FTO: variants seen among roughly 807,000 people sequenced by gnomAD.
The protein encoded by FTO is alpha-ketoglutarate-dependent dioxygenase FTO.
Under a neutral mutation model 63.9 loss-of-function variants are expected in FTO, and 47 were observed. That is an observed-to-expected ratio of 0.74 (90% CI 0.58 to 0.94). The LOEUF is 0.94. Ranked by LOEUF, FTO falls within the 40% of genes least tolerant of loss-of-function variation. The pLI is 0.00. For synonymous variants in FTO, 207 were observed against 224.4 expected, an observed-to-expected ratio of 0.92 and a Z score of 0.69; for missense variants, 562 against 618.1, an observed-to-expected ratio of 0.91 and a Z score of 0.96.
intron 7 of FTO, among the ~76,000 whole-genome samples, chr16:53,923,853 G>A (rs1033745960): frequency 2.6e-5 from 4 of 151,866 alleles, no homozygotes; most frequent in African/African-American, 7.3e-5. Flanking sequence ...ACATTCCAGC[G>A]GTCGCCCACA....
At position 53,766,597 on chromosome 16, in the gene FTO, A is replaced by G. The variant is rs139179868; in HGVS notation, c.46-43543A>G. Among the ~76,000 whole-genome samples the G allele has an allele frequency of 2.0e-5, 3 of 152,198 alleles. No homozygotes were observed. The East Asian group carries it at 5.8e-4, about 29-fold the overall frequency. ...GCAGGTCTGGGGTGAATCAGGTGCT[A>G]TCCCTTTGGACAGTCACATGACTGG... On this transcript the variant is annotated intron_variant, in intron 1 of 8. Coordinates refer to ENST00000471389, the MANE Select transcript of FTO (RefSeq NM_001080432.3).
chr16:53,771,407 C>T (rs576603580), intron 1 of FTO, among the ~76,000 whole-genome samples: 42 of 152,246 alleles, frequency 2.8e-4, no homozygotes, highest in African/African-American at 9.6e-4. Flanking sequence ...CTTCTGCCAT[C>T]CTTCTCCAAG....
At chr16:53,951,841 A>G (rs1348891471) in intron 8 of FTO, among the ~76,000 whole-genome samples, 1 of 152,180 alleles carries the variant, frequency 6.6e-6, no homozygotes, top group African/African-American at 2.4e-5. Flanking sequence ...GATTTAAAGA[A>G]AAATGCTAGA....
At chr16:54,106,923 T>G (rs1189467141) in intron 8 of FTO, among the ~76,000 whole-genome samples, 1 of 142,522 alleles carries the variant, frequency 7.0e-6, no homozygotes, top group East Asian at 2.0e-4. Context: ...TATAATATAT[T>G]AAAAGTATAT....
chr16:53,760,226 G>GTTTTTTTTTTT (rs2077027591), intron 1 of FTO, among the ~76,000 whole-genome samples: 1 of 48,244 alleles, frequency 2.1e-5, no homozygotes, highest in Non-Finnish European at 3.7e-5. Context: ...GTGTGTGTGT[G>GTTTTTTTTTTT]TGTGTGTGTG....
At chr16:53,975,149 G>A (rs2083408331) in intron 8 of FTO, among the ~76,000 whole-genome samples, 1 of 151,454 alleles carries the variant, frequency 6.6e-6, no homozygotes, top group African/African-American at 2.4e-5. Context: ...TAAAACTAAA[G>A]CCACGCTAAC....
chr16:53,882,016 A>T (rs78115096), intron 6 of FTO, among the ~76,000 whole-genome samples: 2,603 of 152,270 alleles, frequency 0.017, 63 homozygotes, highest in African/African-American at 0.053. Flanking sequence ...TCTAATAATT[A>T]TTGGATTCTG....
chr16:54,058,193 C>T (rs1182568172), intron 8 of FTO, among the ~76,000 whole-genome samples: 2 of 152,094 alleles, frequency 1.3e-5, no homozygotes, highest in Non-Finnish European at 2.9e-5. Context: ...ACTGAAACCT[C>T]CGCCGCCTCC....
chr16:53,791,969 G>A (rs913204153), intron 1 of FTO, among the ~76,000 whole-genome samples: 10 of 151,920 alleles, frequency 6.6e-5, no homozygotes, highest in African/African-American at 2.2e-4. Flanking sequence ...CCAGCTACTC[G>A]GGAGGCTGAG....
chr16:54,080,728 C>T (rs1415102755), intron 8 of FTO, among the ~76,000 whole-genome samples: 2 of 152,160 alleles, frequency 1.3e-5, no homozygotes, highest in East Asian at 1.9e-4. Flanking sequence ...TAGAGTTTGT[C>T]GTTACTGTTG....
intron 1 of FTO, among the ~76,000 whole-genome samples, chr16:53,765,975 T>C (rs1220458165): frequency 6.6e-6 from 1 of 152,250 alleles, no homozygotes; most frequent in East Asian, 1.9e-4. Context: ...TCTATAAAGA[T>C]CACTGTGGCT....
rs533379899 is a variant in FTO, at chr16:53,844,208, A to G, written c.805A>G (p.Ile269Val). The change falls in exon 4 of 9, where the codon ATT becomes GTT. Residue 269 changes from isoleucine (I) to valine (V), a missense_variant. Physicochemically the swap from Ile to Val is conservative, Grantham distance 29 (BLOSUM62 3). Transcript: ENST00000471389. ...TCATCTCGAAGGCAGGGATCCTGAT[A>G]TTTGGCATGTTGGTTTTAAGATCTC... Reference protein sequence around the residue: ...DSHLEGRDPDIWHVGFKISWD... With the variant: ...DSHLEGRDPDVWHVGFKISWD... The G allele has an allele frequency of 1.2e-6, 2 of 1,613,714 alleles. No individual in the cohort carries two copies. The highest frequency in any genetic ancestry group is 1.7e-5 in the Admixed American group (1 of 60,008).
At chr16:53,926,276 A>G (rs545365733) in intron 7 of FTO, among the ~76,000 whole-genome samples, 1 of 152,210 alleles carries the variant, frequency 6.6e-6, no homozygotes, top group Non-Finnish European at 1.5e-5. Flanking sequence ...TCTTAGACTC[A>G]TCTTCAGGAA....
chr16:53,803,233 C>CA (rs1232139060), intron 1 of FTO, among the ~76,000 whole-genome samples: 1 of 152,178 alleles, frequency 6.6e-6, no homozygotes, highest in Non-Finnish European at 1.5e-5. Flanking sequence ...TCAGGTGTTG[C>CA]ATTTAATTAG....
chr16:53,836,037 C>G (rs770075092), intron 3 of FTO, among the ~76,000 whole-genome samples: 1 of 151,966 alleles, frequency 6.6e-6, no homozygotes, highest in Non-Finnish European at 1.5e-5. Context: ...ATTACAGGCG[C>G]GGGCCACCAT....
At chr16:54,073,161 A>G (rs1305498249) in intron 8 of FTO, among the ~76,000 whole-genome samples, 2 of 152,096 alleles carry the variant, frequency 1.3e-5, no homozygotes, top group Non-Finnish European at 2.9e-5. Flanking sequence ...TTGCGTCCCT[A>G]TTCAAGCATT....
intron 7 of FTO, among the ~76,000 whole-genome samples, chr16:53,932,618 G>C (rs1026896228): frequency 6.6e-6 from 1 of 152,072 alleles, no homozygotes; most frequent in African/African-American, 2.4e-5. Context: ...TCGAACTCCT[G>C]ACCTCAAGCA....
chr16:53,978,398 A>G (rs1172976108), intron 8 of FTO, among the ~76,000 whole-genome samples: 2 of 152,234 alleles, frequency 1.3e-5, no homozygotes, highest in Non-Finnish European at 2.9e-5. Context: ...TTTCACAGCT[A>G]TACAATGAAG....
chr16:53,770,150 A>G (rs1019597667), intron 1 of FTO, among the ~76,000 whole-genome samples: 2 of 152,222 alleles, frequency 1.3e-5, no homozygotes, highest in African/African-American at 4.8e-5. Flanking sequence ...AATTGAAATG[A>G]ATAAATGTTT....
Sources: allele counts gnomAD v4.1 joint callset (sites outside exome capture counted in the v4.1 genomes callset), GRCh38; gene constraint gnomAD v4.1.1; transcripts MANE v1.5; gene names NCBI Gene and HGNC (gene_info 2026-07-23, HGNC 2026-07-21).